The following HEXA variants were observed in gnomAD, a reference collection of about 807,000 sequenced individuals.
The protein encoded by HEXA is hexosaminidase subunit alpha, also known as beta-hexosaminidase subunit alpha.
Under a neutral mutation model 73.3 loss-of-function variants are expected in HEXA, and 54 were observed. The observed-to-expected ratio is 0.74, with a 90% CI of 0.59 to 0.92. The LOEUF (loss-of-function observed/expected upper bound fraction) is 0.92. Ranked by LOEUF, HEXA falls within the 40% of genes least tolerant of loss-of-function variation. HEXA has a pLI of 0.00. For missense variants in HEXA, 649 were observed against 653.0 expected (o/e 0.99, Z 0.07); for synonymous variants, 230 against 246.9 (o/e 0.93, Z 0.64).
At chr15:72,374,152 A>G (rs1206587156) in intron 1 of HEXA, among the ~76,000 whole-genome samples, 1 of 152,198 alleles carries the variant, frequency 6.6e-6, no homozygotes, top group African/African-American at 2.4e-5. Flanking sequence ...GCCTAGGCCT[A>G]GGTCTTAAGA....
At chr15:72,373,931 G>A (rs896078182) in intron 1 of HEXA, among the ~76,000 whole-genome samples, 1 of 151,596 alleles carries the variant, frequency 6.6e-6, no homozygotes, top group Non-Finnish European at 1.5e-5. Flanking sequence ...CCCAGGAGGC[G>A]GAGGCTGCAG....
chr15:72,368,488 A>G (rs2088945929), intron 1 of HEXA, among the ~76,000 whole-genome samples: 3 of 152,234 alleles, frequency 2.0e-5, no homozygotes, highest in African/African-American at 7.2e-5. Context: ...TATGAAGATT[A>G]AAGGGCAATA....
intron 3 of HEXA, chr15:72,355,216 C>T: frequency 2.8e-6 from 1 of 353,978 alleles, no homozygotes; most frequent in Non-Finnish European, 5.5e-6. Context: ...GGAAAACACG[C>T]CAATTGTTCC....
intron 1 of HEXA, 121 bp from the exon 2 acceptor site, chr15:72,356,738 C>T: frequency 6.9e-7 from 1 of 1,459,382 alleles, no homozygotes; most frequent in Non-Finnish European, 9.3e-7. Context: ...GAGGACATGG[C>T]ATTTACCCTT....
chr15:72,347,792 CT>C, intron 9 of HEXA, 34 bp from the exon 10 acceptor site: 1 of 1,595,144 alleles, frequency 6.3e-7, no homozygotes, highest in African/African-American at 1.3e-5. Context: ...TAAGTGTCTG[CT>C]TAGCTCAGAT....
intron 5 of HEXA, among the ~76,000 whole-genome samples, chr15:72,352,375 G>A (rs1217275675): frequency 6.6e-6 from 1 of 150,842 alleles, no homozygotes; most frequent in Non-Finnish European, 1.5e-5. Context: ...GCCAAGGTGG[G>A]CAGATTGCTT....
chr15:72,349,348 C>A (rs566319821), intron 7 of HEXA, 89 bp from the exon 8 acceptor site: 2 of 1,038,658 alleles, frequency 1.9e-6, no homozygotes, highest in Non-Finnish European at 3.0e-6. Flanking sequence ...TCACACAAAG[C>A]AAGACAAGTG....
intron 2 of HEXA, chr15:72,355,867 A>C (rs1447005685): frequency 1.7e-6 from 1 of 580,474 alleles, no homozygotes; most frequent in African/African-American, 1.8e-5. Flanking sequence ...GATGTACAGC[A>C]AGAGTCAGGC....
intron 2 of HEXA, 48 bp downstream of exon 2, chr15:72,356,477 T>G: frequency 6.2e-7 from 1 of 1,607,032 alleles, no homozygotes; most frequent in East Asian, 2.2e-5. Context: ...AGTTACAGCT[T>G]CAGACAAGTG....
At position 72,351,133 on chromosome 15, in the gene HEXA, C is replaced by A. The variant is rs780134593; in HGVS notation, c.672G>T (p.Lys224Asn). 1.9e-6 allele frequency: 3 copies of A among 1,589,668 alleles called. No homozygotes were observed. The highest frequency in any genetic ancestry group is 2.6e-6 in the Non-Finnish European group (3 of 1,157,632). ...ESFTFPELMR[K>N]GSYNPVTHIY... ...TGGTCTGAGTGAAACGGGAACATAC[C>A]TTTCTCATGAGCTCTGGAAAAGTGA... The change falls in exon 6 of 14, where the codon AAG (lysine) becomes AAT (asparagine). Residue 224 changes from lysine (K) to asparagine (N), a missense_variant and splice_region_variant. Transcript: ENST00000268097.
At chr15:72,365,908 T>A (rs1298665736) in intron 1 of HEXA, among the ~76,000 whole-genome samples, 1 of 152,218 alleles carries the variant, frequency 6.6e-6, no homozygotes. Flanking sequence ...TTGCCCAATA[T>A]ATAACCCCCT....
At chr15:72,355,516 A>T (rs770604077) in intron 3 of HEXA, 43 bp downstream of exon 3, 3 of 1,409,356 alleles carry the variant, frequency 2.1e-6, no homozygotes, top group Non-Finnish European at 3.0e-6. Context: ...ACCTTCCCAC[A>T]TCATCCTTTC....
intron 2 of HEXA, chr15:72,355,837 C>T (rs1397521334): frequency 6.6e-6 from 4 of 607,864 alleles, no homozygotes; most frequent in East Asian, 6.6e-5. Flanking sequence ...ACCACAGTGA[C>T]TCTGTAGACC....
chr15:72,362,036 C>T (rs1224164944), intron 1 of HEXA, among the ~76,000 whole-genome samples: 1 of 152,208 alleles, frequency 6.6e-6, no homozygotes, highest in African/African-American at 2.4e-5. Context: ...AGAATACAGT[C>T]CAGAATTCAC....
At chr15:72,348,838 G>GT (rs1425250477) in intron 8 of HEXA, among the ~76,000 whole-genome samples, 1 of 152,180 alleles carries the variant, frequency 6.6e-6, no homozygotes, top group Admixed American at 6.5e-5. Context: ...GCCCAGGGCT[G>GT]TTTTTTCTAT....
At chr15:72,374,707 T>C (rs940648805) in intron 1 of HEXA, among the ~76,000 whole-genome samples, 2 of 152,212 alleles carry the variant, frequency 1.3e-5, no homozygotes, top group Non-Finnish European at 2.9e-5. Flanking sequence ...CTTACAAATG[T>C]GCTGTGGAAT....
At chr15:72,354,772 C>T (rs2088750617) in intron 3 of HEXA, 1 of 152,298 alleles carries the variant, frequency 6.6e-6, no homozygotes. Context: ...CATCATTCAC[C>T]AGCAGAGGGT....
chr15:72,367,955 C>T (rs2088939388), intron 1 of HEXA, among the ~76,000 whole-genome samples: 1 of 148,118 alleles, frequency 6.8e-6, no homozygotes, highest in African/African-American at 2.4e-5. Flanking sequence ...CCCAAAGTAC[C>T]TTGTGCTTCA....
intron 10 of HEXA, 183 bp from the exon 11 acceptor site, chr15:72,346,893 C>A: frequency 1.5e-6 from 1 of 650,066 alleles, no homozygotes; most frequent in Non-Finnish European, 2.8e-6. Flanking sequence ...GAATCCAGGG[C>A]CCTAAGAGGC....
Sources: gnomAD v4.1 joint callset for allele counts (sites outside exome capture counted in the v4.1 genomes callset) on GRCh38, gnomAD v4.1.1 for gene constraint, MANE v1.5 for transcripts, NCBI Gene and HGNC (gene_info 2026-07-23, HGNC 2026-07-21) for gene names.